The following AFF2 variants were observed in gnomAD, a reference collection of about 807,000 sequenced individuals.
AFF2 encodes ALF transcription elongation factor 2, also known as AF4/FMR2 family member 2.
In AFF2, 14 loss-of-function variants were observed where a neutral mutation model predicts 76.9. That is an observed-to-expected ratio of 0.18 (90% confidence interval 0.12 to 0.28). The LOEUF is 0.28. Ranked by LOEUF, AFF2 falls within the 10% of genes least tolerant of loss-of-function variation. The probability of loss-of-function intolerance (pLI) is 1.00; values close to 1 mark genes in which losing one functional copy is unlikely to be tolerated. For missense variants in AFF2, 868 were observed against 1,001.1 expected (o/e 0.87, Z 1.79); for synonymous variants, 398 against 366.7 (o/e 1.09, Z -0.98).
intron 4 of AFF2, among the ~76,000 whole-genome samples, chrX:148,817,077 A>G (rs1308916870): frequency 9.0e-6 from 1 of 111,313 alleles, no homozygotes; most frequent in Admixed American, 9.6e-5. Context: ...AGACAAGAAC[A>G]AAATCAGTGA....
chrX:148,826,875 G>T (rs2070394591), intron 4 of AFF2, among the ~76,000 whole-genome samples: 1 of 111,115 alleles, frequency 9.0e-6, no homozygotes, highest in African/African-American at 3.3e-5. Context: ...ACTTAGTAGT[G>T]GTTTTGATGT....
At chrX:148,978,481 A>G (rs375327234) in intron 18 of AFF2, 26 bp downstream of exon 18, 1 of 1,010,440 alleles carries the variant, frequency 9.9e-7, no homozygotes. Flanking sequence ...TATAATTTAT[A>G]GGTACAGGAT....
intron 3 of AFF2, among the ~76,000 whole-genome samples, chrX:148,782,097 G>T (rs979460968): frequency 9.0e-6 from 1 of 111,619 alleles, no homozygotes; most frequent in Non-Finnish European, 1.9e-5. Flanking sequence ...CATTGGTCTC[G>T]CTGGGAGCTG....
intron 9 of AFF2, among the ~76,000 whole-genome samples, chrX:148,932,283 T>A (rs1350101417): frequency 8.9e-6 from 1 of 112,352 alleles, no homozygotes; most frequent in Non-Finnish European, 1.9e-5. Context: ...AAGCTAGAAT[T>A]ATTCTGGATT....
chrX:148,882,717 C>A (rs1310944741), intron 7 of AFF2, among the ~76,000 whole-genome samples: 6 of 111,823 alleles, frequency 5.4e-5, no homozygotes, highest in Non-Finnish European at 1.1e-4. Flanking sequence ...ATAATTAAAT[C>A]TAATATCTTT....
At chrX:148,974,853 G>A (rs1245718942) in intron 16 of AFF2, among the ~76,000 whole-genome samples, 3 of 111,673 alleles carry the variant, frequency 2.7e-5, no homozygotes, top group Non-Finnish European at 5.6e-5. Context: ...CTTTCAAGGA[G>A]AAATTGATTG....
chrX:148,685,690 T>C (rs1476712052), intron 3 of AFF2, among the ~76,000 whole-genome samples: 1 of 111,275 alleles, frequency 9.0e-6, no homozygotes, highest in Non-Finnish European at 1.9e-5. Context: ...CATGTATATG[T>C]AATAGTTTCA....
At chrX:148,671,354 A>G (rs2054421505) in intron 3 of AFF2, among the ~76,000 whole-genome samples, 1 of 112,185 alleles carries the variant, frequency 8.9e-6, no homozygotes, top group Admixed American at 9.5e-5. Context: ...ATAAATCTCT[A>G]CTTTGGAAAG....
chrX:148,631,747 C>T (rs1557253087), intron 1 of AFF2, among the ~76,000 whole-genome samples: 2 of 112,356 alleles, frequency 1.8e-5, no homozygotes, highest in South Asian at 7.3e-4. Flanking sequence ...TCATAACAGC[C>T]TTCCAGAGGA....
At chrX:148,862,654 GA>G (rs1445037401) in intron 7 of AFF2, among the ~76,000 whole-genome samples, 1 of 111,217 alleles carries the variant, frequency 9.0e-6, no homozygotes, top group Non-Finnish European at 1.9e-5. Context: ...TCTATTATGA[GA>G]AGCATTTACT....
intron 3 of AFF2, among the ~76,000 whole-genome samples, chrX:148,687,516 G>A (rs2054611586): frequency 9.0e-6 from 1 of 111,348 alleles, no homozygotes; most frequent in Admixed American, 9.5e-5. Context: ...ATGTCATTTA[G>A]CTGATGAGAT....
At chrX:148,645,033 A>C (rs1367041054) in intron 1 of AFF2, among the ~76,000 whole-genome samples, 1 of 112,251 alleles carries the variant, frequency 8.9e-6, no homozygotes, top group African/African-American at 3.2e-5. Context: ...TACATTTTTA[A>C]ATTGACCAAC....
chrX:148,642,627 C>T (rs782374338), intron 1 of AFF2, among the ~76,000 whole-genome samples: 6 of 111,622 alleles, frequency 5.4e-5, no homozygotes, highest in Admixed American at 1.9e-4. Flanking sequence ...TGGGACGTGG[C>T]GCATGGGATG....
At chrX:148,940,751 C>A (rs1603344167) in intron 9 of AFF2, among the ~76,000 whole-genome samples, 1 of 111,642 alleles carries the variant, frequency 9.0e-6, no homozygotes. Flanking sequence ...GGCTGCCTGT[C>A]CTCAGCTATC....
intron 15 of AFF2, among the ~76,000 whole-genome samples, chrX:148,969,393 G>A (rs1180727024): frequency 6.2e-5 from 7 of 112,252 alleles, no homozygotes; most frequent in East Asian, 5.6e-4. Context: ...TTGGGGGTAC[G>A]TGAAAAAATA....
intron 1 of AFF2, among the ~76,000 whole-genome samples, chrX:148,646,238 CTG>C (rs2054142131): frequency 9.0e-6 from 1 of 111,677 alleles, no homozygotes. Flanking sequence ...TTTCAAGACT[CTG>C]TGAATATGCT....
At chrX:148,734,259 G>A (rs184813165) in intron 3 of AFF2, among the ~76,000 whole-genome samples, 12 of 112,089 alleles carry the variant, frequency 1.1e-4, no homozygotes, top group African/African-American at 3.6e-4. Flanking sequence ...TATGAACATA[G>A]TAGTGAGAGA....
chrX:148,996,344 A>G lies in AFF2; in HGVS notation c.*5012A>G, dbSNP rs2072598995. The G allele has an allele frequency of 8.8e-6, 1 of 113,038 alleles. No individual in the cohort carries two copies. The highest frequency in any genetic ancestry group is 3.2e-5 in the African/African-American group (1 of 31,137). The allele number at this position is 113,038 out of a possible 1,213,427, so 9.3% of individuals were successfully genotyped here. ...AACAACCAGCTCGCTGAGAATAGAA[A>G]GCACCTGGTTTGCACCATTTGCCAA... On this transcript the variant is annotated 3_prime_UTR_variant, in exon 21 of 21. Transcript: ENST00000370460.
chrX:148,502,252 T>C (rs1485646034), intron 1 of AFF2, among the ~76,000 whole-genome samples: 1 of 112,175 alleles, frequency 8.9e-6, no homozygotes, highest in African/African-American at 3.2e-5. Flanking sequence ...TACCTACCAA[T>C]AGTGCGAAAT....
Sources: allele counts gnomAD v4.1 joint callset (sites outside exome capture counted in the v4.1 genomes callset), GRCh38; gene constraint gnomAD v4.1.1; transcripts MANE v1.5; gene names NCBI Gene and HGNC (gene_info 2026-07-23, HGNC 2026-07-21).